The following UBE2D3 variants were observed in gnomAD, a reference collection of about 807,000 sequenced individuals.
UBE2D3 encodes the protein ubiquitin conjugating enzyme E2 D3, also known as ubiquitin-conjugating enzyme E2 D3.
Under a neutral mutation model 22.8 loss-of-function variants are expected in UBE2D3, and 2 were observed. That is an observed-to-expected ratio of 0.09 (90% CI 0.04 to 0.28). UBE2D3 has a LOEUF of 0.28. Among genes scored for constraint, UBE2D3 ranks in the 10% least tolerant of loss-of-function variants. The pLI is 1.00. For missense variants in UBE2D3, 27 were observed against 182.5 expected (o/e 0.15, Z 4.91); for synonymous variants, 56 against 60.4 (o/e 0.93, Z 0.34).
chr4:102,804,378 T>C lies in UBE2D3; in HGVS notation c.121-1740A>G, dbSNP rs535022730. Among the ~76,000 whole-genome samples, 96 of 152,132 alleles carry C rather than the reference T, an allele frequency of 6.3e-4. 1 individual carries two copies. Among genetic ancestry groups the C allele is most frequent in the African/African-American group, 2.3e-3 (94 of 41,512 alleles). On this transcript the variant is annotated intron_variant, in intron 4 of 7. Transcript: ENST00000453744. The stretch of plus-strand genomic sequence containing the variant: ...GGCTTCACCATGTTGGCTGAACTCT[T>C]AACTCCTGACCCCAGGTGATCCGCC...
At chr4:102,832,887 G>A (rs2110346657) in intron 1 of UBE2D3, among the ~76,000 whole-genome samples, 1 of 151,938 alleles carries the variant, frequency 6.6e-6, no homozygotes, top group African/African-American at 2.4e-5. Flanking sequence ...GGTCCCAGCT[G>A]CTCTGGAAGC....
intron 1 of UBE2D3, among the ~76,000 whole-genome samples, chr4:102,843,049 G>A (rs1480442219): frequency 6.6e-6 from 1 of 152,152 alleles, no homozygotes; most frequent in Non-Finnish European, 1.5e-5. Flanking sequence ...GGCAGAGGTT[G>A]CAATGAGCCG....
chr4:102,859,704 CCT>C (rs1732788121), intron 1 of UBE2D3, among the ~76,000 whole-genome samples: 1 of 151,666 alleles, frequency 6.6e-6, no homozygotes, highest in Non-Finnish European at 1.5e-5. Context: ...TATTATTTTT[CCT>C]CTTTGTTCCT....
chr4:102,865,557 T>G (rs944006721), intron 1 of UBE2D3, among the ~76,000 whole-genome samples: 2 of 148,270 alleles, frequency 1.3e-5, no homozygotes, highest in African/African-American at 2.5e-5. Context: ...AAGCAACCAA[T>G]GTAACCAACA....
chr4:102,837,737 G>A (rs1024399881), intron 1 of UBE2D3, among the ~76,000 whole-genome samples: 11 of 152,170 alleles, frequency 7.2e-5, no homozygotes, highest in African/African-American at 2.2e-4. Flanking sequence ...GGATCACGAG[G>A]TCAGGAGATC....
intron 4 of UBE2D3, chr4:102,809,023 A>T (rs1727523031): frequency 6.5e-5 from 2 of 30,610 alleles, no homozygotes; most frequent in Admixed American, 7.7e-4. Context: ...TTAGCAAGTT[A>T]AAAAAAAAAA....
chr4:102,837,962 T>G (rs775522905), intron 1 of UBE2D3, among the ~76,000 whole-genome samples: 7 of 151,736 alleles, frequency 4.6e-5, no homozygotes, highest in Non-Finnish European at 5.9e-5. Context: ...TCAAAAAATA[T>G]ATACATATTT....
chr4:102,853,419 T>G (rs1732474683), intron 1 of UBE2D3, among the ~76,000 whole-genome samples: 1 of 152,138 alleles, frequency 6.6e-6, no homozygotes, highest in African/African-American at 2.4e-5. Flanking sequence ...AGCTGAAGAC[T>G]GAAAACAATG....
At chr4:102,854,776 A>C (rs1732550183) in intron 1 of UBE2D3, among the ~76,000 whole-genome samples, 1 of 152,236 alleles carries the variant, frequency 6.6e-6, no homozygotes, top group South Asian at 2.1e-4. Flanking sequence ...ATCAACCCTG[A>C]GTAACAACAG....
chr4:102,868,882 C>G, upstream of UBE2D3: 1 of 1,493,672 alleles, frequency 6.7e-7, no homozygotes, highest in Non-Finnish European at 9.2e-7. Flanking sequence ...TCCCGCGCCT[C>G]GGCAGTCCGC....
At chr4:102,799,527 C>T (rs768263821) in intron 6 of UBE2D3, 27 bp from the exon 7 acceptor site, 2 of 1,569,936 alleles carry the variant, frequency 1.3e-6, no homozygotes, top group South Asian at 1.1e-5. Flanking sequence ...ACATCTGTTA[C>T]CCAGTTTCAG....
At chr4:102,866,734 G>A (rs190566182) in intron 1 of UBE2D3, among the ~76,000 whole-genome samples, 15 of 152,170 alleles carry the variant, frequency 9.9e-5, no homozygotes, top group Admixed American at 9.8e-4. Context: ...ACTCAACACA[G>A]CACGTCTTGC....
intron 1 of UBE2D3, chr4:102,868,626 C>T (rs1333434989): frequency 1.3e-6 from 2 of 1,562,618 alleles, no homozygotes; most frequent in Non-Finnish European, 1.8e-6. Context: ...TACTCATGGG[C>T]GAGTATGCAA....
At chr4:102,856,014 G>A (rs1732601573) in intron 1 of UBE2D3, among the ~76,000 whole-genome samples, 1 of 152,146 alleles carries the variant, frequency 6.6e-6, no homozygotes, top group Admixed American at 6.5e-5. Flanking sequence ...TATGTGAAGA[G>A]TGAACAAGAA....
At chr4:102,801,765 C>T in intron 5 of UBE2D3, 1 of 435,404 alleles carries the variant, frequency 2.3e-6, no homozygotes. Context: ...ATAAAAATTT[C>T]ATTACTCATA....
chr4:102,815,828 C>G (rs1728709402), intron 2 of UBE2D3, among the ~76,000 whole-genome samples: 2 of 152,086 alleles, frequency 1.3e-5, no homozygotes, highest in South Asian at 4.1e-4. Flanking sequence ...GAAAAATGAC[C>G]TAAGTATTTT....
chr4:102,832,623 A>G (rs1731174210), intron 1 of UBE2D3, among the ~76,000 whole-genome samples: 1 of 152,052 alleles, frequency 6.6e-6, no homozygotes. Flanking sequence ...GAGTACAGGA[A>G]GTAAACTTAG....
chr4:102,825,618 A>T (rs1446478409), intron 2 of UBE2D3: 23 of 1,227,912 alleles, frequency 1.9e-5, no homozygotes, highest in Non-Finnish European at 2.2e-5. Context: ...GAGCTCCGAA[A>T]AATCCTAGTT....
chr4:102,808,214 A>T (rs1727369639), intron 4 of UBE2D3, among the ~76,000 whole-genome samples: 1 of 152,198 alleles, frequency 6.6e-6, no homozygotes, highest in Non-Finnish European at 1.5e-5. Context: ...CTGTCATTCC[A>T]TCCCAAGCCA....
Sources: gnomAD v4.1 joint callset for allele counts (sites outside exome capture counted in the v4.1 genomes callset) on GRCh38, gnomAD v4.1.1 for gene constraint, MANE v1.5 for transcripts, NCBI Gene and HGNC (gene_info 2026-07-23, HGNC 2026-07-21) for gene names.